STAT4: variants seen among roughly 807,000 people sequenced by gnomAD.
STAT4 encodes the protein signal transducer and activator of transcription 4.
STAT4 carries 42 observed loss-of-function variants against 110.5 expected under a neutral mutation model. The ratio of observed to expected loss-of-function variants is 0.38; its 90% CI spans 0.30 to 0.49. The LOEUF (loss-of-function observed/expected upper bound fraction) is 0.49, where lower values mean the gene tolerates loss of function less well. Among genes scored for constraint, STAT4 ranks in the 20% least tolerant of loss-of-function variants. The pLI, the probability that STAT4 is intolerant of heterozygous loss-of-function variation, is 0.95. For missense variants in STAT4, 632 were observed against 887.9 expected, an observed-to-expected ratio of 0.71 and a Z score of 3.66; for synonymous variants, 284 against 302.2, an observed-to-expected ratio of 0.94 and a Z score of 0.63.
chr2:191,142,419 G>T lies in STAT4; in HGVS notation c.273+4194C>A, dbSNP rs1212462371. ...GGGAGCTAAAGAAGTGGATCTCATG[G>T]AGGTAAAGAGTAGAATATAGATACC... On this transcript the variant is annotated intron_variant, in intron 3 of 23. Coordinates refer to ENST00000392320, the MANE Select transcript of STAT4 (RefSeq NM_003151.4). This position sits in a 1 kb window ranked among gnomAD's most constrained non-coding sequence, Gnocchi z 4.1. 6.6e-6 allele frequency among the ~76,000 whole-genome samples: 1 copy of T among 152,112 alleles called. No homozygotes were observed. Among genetic ancestry groups the T allele is most frequent in the Non-Finnish European group, 1.5e-5 (1 of 68,012 alleles).
intron 8 of STAT4, among the ~76,000 whole-genome samples, chr2:191,064,476 A>G (rs1696931617): frequency 6.6e-6 from 1 of 152,150 alleles, no homozygotes; most frequent in African/African-American, 2.4e-5. Context: ...TGAGATATCT[A>G]TTTTCAAGAT....
intron 3 of STAT4, among the ~76,000 whole-genome samples, chr2:191,108,160 G>A (rs1200479212): frequency 6.6e-6 from 1 of 151,890 alleles, no homozygotes; most frequent in Non-Finnish European, 1.5e-5. Flanking sequence ...ACATGGTAGG[G>A]GGCATCTGTA....
Position 191,104,155 on chromosome 2 carries a change from A to G in STAT4, c.274-27830T>C, listed in dbSNP as rs960382853. Among the ~76,000 whole-genome samples, 1 of 152,216 alleles carries G rather than the reference A, an allele frequency of 6.6e-6. No homozygotes were observed. Among genetic ancestry groups the G allele is most frequent in the Non-Finnish European group, 1.5e-5 (1 of 68,026 alleles). The stretch of plus-strand genomic sequence containing the variant: ...TACTTTTAAAAAGACAAGAAAAAAT[A>G]TACTAAAGTATCAACAGTGGTTGCA... On this transcript the variant is annotated intron_variant, in intron 3 of 23. Coordinates refer to ENST00000392320, the MANE Select transcript of STAT4 (RefSeq NM_003151.4). This position sits in a 1 kb window ranked among gnomAD's most constrained non-coding sequence, Gnocchi z 4.3.
At chr2:191,108,842 CT>C (rs746254441) in intron 3 of STAT4, among the ~76,000 whole-genome samples, 2 of 152,174 alleles carry the variant, frequency 1.3e-5, no homozygotes, top group Non-Finnish European at 2.9e-5. Context: ...TGTACATGCC[CT>C]TCAAAATTTG....
chr2:191,071,709 A>G (rs146706280), intron 5 of STAT4, among the ~76,000 whole-genome samples: 306 of 152,346 alleles, frequency 2.0e-3, no homozygotes, highest in African/African-American at 6.8e-3. Flanking sequence ...AGGTTATGGC[A>G]TAAGTGGGGG....
At chr2:191,129,560 T>C (rs1698974872) in intron 3 of STAT4, among the ~76,000 whole-genome samples, 1 of 152,110 alleles carries the variant, frequency 6.6e-6, no homozygotes, top group Non-Finnish European at 1.5e-5. Flanking sequence ...AGGTGATAAA[T>C]CCATGGTAAT....
At chr2:191,105,105 A>C (rs1398474396) in intron 3 of STAT4, among the ~76,000 whole-genome samples, 9 of 152,234 alleles carry the variant, frequency 5.9e-5, no homozygotes, top group Admixed American at 5.9e-4. Context: ...AATAGTTTTC[A>C]AAGTCTAACA....
At chr2:191,040,429 C>T (rs1696158849) in intron 15 of STAT4, among the ~76,000 whole-genome samples, 1 of 152,162 alleles carries the variant, frequency 6.6e-6, no homozygotes, top group South Asian at 2.1e-4. Flanking sequence ...ATACTTATTT[C>T]TCTTTAGGCT....
upstream of STAT4, chr2:191,151,325 GT>G: frequency 1.0e-6 from 1 of 985,622 alleles, no homozygotes; most frequent in African/African-American, 1.7e-5. The surrounding 1 kb of genome is among the most constrained non-coding windows in gnomAD (Gnocchi z 4.7). Context: ...CCTCTGCAGA[GT>G]TACTTACCTG....
In STAT4 at chr2:191,031,676, A is replaced by G. The variant is rs1483855324; in HGVS notation, c.2045-160T>C. ...AAATGTTTTGTTAAATAGGGGACAC[A>G]ATCTTTTAGATAAGCATAAAATGTG... On this transcript the variant is annotated intron_variant, in intron 21 of 23. Transcript: ENST00000392320. This position sits in a 1 kb window ranked among gnomAD's most constrained non-coding sequence, Gnocchi z 4.8. Among the ~76,000 whole-genome samples the G allele has an allele frequency of 6.6e-6, 1 of 152,218 alleles. No homozygotes were observed. Among genetic ancestry groups the G allele is most frequent in the Non-Finnish European group, 1.5e-5 (1 of 68,030 alleles).
chr2:191,145,618 G>C (rs1699441967), intron 3 of STAT4, among the ~76,000 whole-genome samples: 1 of 152,162 alleles, frequency 6.6e-6, no homozygotes, highest in African/African-American at 2.4e-5. Flanking sequence ...GGCAAAGATA[G>C]CTCAGCGCAA....
At position 191,032,331 on chromosome 2, in the gene STAT4, T is replaced by C. The variant is rs1695919402; in HGVS notation, c.2044+627A>G. 6.6e-6 allele frequency: 1 copy of C among 152,232 alleles called. No individual in the cohort carries two copies. Among genetic ancestry groups the C allele is most frequent in the South Asian group, 2.1e-4 (1 of 4,828 alleles). The allele number at this position is 152,232 out of a possible 1,614,324, so 9.4% of individuals were successfully genotyped here. On this transcript the variant is annotated intron_variant, in intron 21 of 23. Transcript: ENST00000392320. This position sits in a 1 kb window ranked among gnomAD's most constrained non-coding sequence, Gnocchi z 4.9. ...GTGAACGTACCTTAAAATTGCATAG[T>C]AATTTAACAAATTTTCTTTTATGTA...
chr2:191,097,722 T>C (rs1319695745), intron 3 of STAT4, among the ~76,000 whole-genome samples: 1 of 152,184 alleles, frequency 6.6e-6, no homozygotes, highest in Non-Finnish European at 1.5e-5. Context: ...AAGTACTTCA[T>C]GACTCAAACA....
chr2:191,092,356 A>G (rs914233840), intron 3 of STAT4, among the ~76,000 whole-genome samples: 3 of 152,154 alleles, frequency 2.0e-5, no homozygotes, highest in African/African-American at 7.2e-5. Context: ...GTGAGCTGAG[A>G]TCATGCCACT....
At chr2:191,056,619 T>C (rs1696703352) in intron 13 of STAT4, among the ~76,000 whole-genome samples, 1 of 152,180 alleles carries the variant, frequency 6.6e-6, no homozygotes, top group African/African-American at 2.4e-5. Context: ...CATATTTTTG[T>C]GGTACATGTG....
At chr2:191,065,438 G>A (rs1350572087) in intron 7 of STAT4, among the ~76,000 whole-genome samples, 2 of 152,128 alleles carry the variant, frequency 1.3e-5, no homozygotes, top group African/African-American at 4.8e-5. Flanking sequence ...CTAGGGGTTA[G>A]AAGATATGAA....
chr2:191,044,779 T>C (rs1696302424), intron 14 of STAT4, among the ~76,000 whole-genome samples: 2 of 152,172 alleles, frequency 1.3e-5, no homozygotes, highest in African/African-American at 2.4e-5. Flanking sequence ...AAGGAACTCA[T>C]AGATGGACAT....
chr2:191,098,588 A>G (rs1698070344), intron 3 of STAT4, among the ~76,000 whole-genome samples: 1 of 151,902 alleles, frequency 6.6e-6, no homozygotes, highest in African/African-American at 2.4e-5. Context: ...GGCGGGGAAC[A>G]TCACACATGG....
chr2:191,140,879 T>C lies in STAT4; in HGVS notation c.273+5734A>G, dbSNP rs147740634. 1.6e-3 allele frequency among the ~76,000 whole-genome samples: 244 copies of C among 152,296 alleles called. 1 individual carries two copies. The highest frequency in any genetic ancestry group is 5.7e-3 in the African/African-American group (235 of 41,566). ...ATGAGTAGATAAAGAAAATGTGGTATATATACACTATGGAATACTACTCAG... is the reference window on the plus strand; with the variant it reads ...ATGAGTAGATAAAGAAAATGTGGTACATATACACTATGGAATACTACTCAG... On this transcript the variant is annotated intron_variant, in intron 3 of 23. Transcript: ENST00000392320. This position sits in a 1 kb window ranked among gnomAD's most constrained non-coding sequence, Gnocchi z 4.4.
Sources: gnomAD v4.1 joint callset for allele counts (sites outside exome capture counted in the v4.1 genomes callset) on GRCh38, gnomAD v4.1.1 for gene constraint, Gnocchi (gnomAD v3.1) non-coding constraint, MANE v1.5 for transcripts, NCBI Gene and HGNC (gene_info 2026-07-23, HGNC 2026-07-21) for gene names.